Variants in EXT1 observed in about 807,000 individuals in gnomAD.
EXT1 encodes the protein exostosin glycosyltransferase 1.
A neutral mutation model predicts 82.5 loss-of-function variants in EXT1; 20 were observed. The ratio of observed to expected loss-of-function variants is 0.24; its 90% confidence interval spans 0.17 to 0.35. The LOEUF is 0.35. EXT1 is among the 10% of genes least tolerant of loss of function. The probability of loss-of-function intolerance (pLI) is 1.00; values close to 1 mark genes in which losing one functional copy is unlikely to be tolerated. For missense variants in EXT1, 757 were observed against 936.5 expected (o/e 0.81, Z 2.50); for synonymous variants, 348 against 350.8 (o/e 0.99, Z 0.09).
rs143015529 is a variant in EXT1 at position 117,910,682 on chromosome 8, T to G, written c.963-73481A>C. Among the ~76,000 whole-genome samples, 112 of 152,322 alleles carry G rather than the reference T, an allele frequency of 7.4e-4. 2 individuals are homozygous for G. The highest frequency in any genetic ancestry group is 2.4e-3 in the African/African-American group (101 of 41,570). On this transcript the variant is annotated intron_variant, in intron 1 of 10. Coordinates refer to ENST00000378204, the MANE Select transcript of EXT1 (RefSeq NM_000127.3). The stretch of plus-strand genomic sequence containing the variant: ...TGTCTCTGCTTCATATGTTATACAA[T>G]TTAAGCACCAAGTGTCATTGTCCTC...
At chr8:117,893,958 C>A (rs1284389129) in intron 1 of EXT1, among the ~76,000 whole-genome samples, 1 of 152,192 alleles carries the variant, frequency 6.6e-6, no homozygotes, top group African/African-American at 2.4e-5. Flanking sequence ...TCACCCTGGC[C>A]TGCCTTCAGC....
intron 1 of EXT1, among the ~76,000 whole-genome samples, chr8:117,928,766 T>TAA (rs368503461): frequency 3.4e-4 from 49 of 145,298 alleles, no homozygotes; most frequent in African/African-American, 6.5e-4. Flanking sequence ...CAGTCAATAT[T>TAA]AAAAAAAAAA....
chr8:117,850,119 C>T (rs1279476598), intron 1 of EXT1, among the ~76,000 whole-genome samples: 2 of 152,168 alleles, frequency 1.3e-5, no homozygotes, highest in African/African-American at 2.4e-5. Context: ...GAACTCTTGG[C>T]TACGGGGCCC....
intron 6 of EXT1, among the ~76,000 whole-genome samples, chr8:117,819,225 C>A (rs1811879918): frequency 6.6e-6 from 1 of 152,148 alleles, no homozygotes; most frequent in South Asian, 2.1e-4. Context: ...CGTCTGCTCC[C>A]AATTTTATAA....
At chr8:117,975,063 T>C (rs1815037549) in intron 1 of EXT1, among the ~76,000 whole-genome samples, 1 of 152,238 alleles carries the variant, frequency 6.6e-6, no homozygotes, top group Admixed American at 6.5e-5. Flanking sequence ...ATTCCAACGA[T>C]AAGTGCTTTT....
At chr8:117,885,418 A>G (rs1813129106) in intron 1 of EXT1, among the ~76,000 whole-genome samples, 1 of 151,392 alleles carries the variant, frequency 6.6e-6, no homozygotes, top group African/African-American at 2.4e-5. Context: ...TTCTGGCAAT[A>G]TTAACCGTAC....
chr8:118,060,141 GAGTA>G (rs1271623908), intron 1 of EXT1, among the ~76,000 whole-genome samples: 1 of 152,156 alleles, frequency 6.6e-6, no homozygotes, highest in African/African-American at 2.4e-5. Context: ...AGGTAAAAAT[GAGTA>G]AGTGACTTCT....
chr8:118,091,738 C>T (rs1173907270), intron 1 of EXT1, among the ~76,000 whole-genome samples: 1 of 152,046 alleles, frequency 6.6e-6, no homozygotes, highest in Non-Finnish European at 1.5e-5. Context: ...GAGCGAGACT[C>T]CATCTCACAA....
chr8:117,861,695 C>T (rs1812690942), intron 1 of EXT1, among the ~76,000 whole-genome samples: 1 of 143,234 alleles, frequency 7.0e-6, no homozygotes, highest in African/African-American at 2.5e-5. Context: ...GGGGTTTTAC[C>T]ATGCTGGCCA....
chr8:117,834,090 T>C (rs1197708349), intron 3 of EXT1, among the ~76,000 whole-genome samples: 1 of 152,194 alleles, frequency 6.6e-6, no homozygotes, highest in Non-Finnish European at 1.5e-5. Context: ...CAAAAACAGA[T>C]TCTGTCACAT....
intron 1 of EXT1, among the ~76,000 whole-genome samples, chr8:117,853,448 G>T (rs568037283): frequency 6.6e-6 from 1 of 152,156 alleles, no homozygotes; most frequent in Non-Finnish European, 1.5e-5. Flanking sequence ...GGAAGGCTGA[G>T]GCAGGAGAAT....
intron 1 of EXT1, among the ~76,000 whole-genome samples, chr8:117,866,893 G>A (rs1449427585): frequency 6.6e-6 from 1 of 151,400 alleles, no homozygotes; most frequent in African/African-American, 2.4e-5. Context: ...TAAAAACATT[G>A]GTGACCCTGA....
chr8:117,926,676 G>A (rs917139143), intron 1 of EXT1, among the ~76,000 whole-genome samples: 7 of 152,086 alleles, frequency 4.6e-5, no homozygotes, highest in Admixed American at 2.0e-4. Context: ...GCCACATAGC[G>A]GATGACAAAC....
Position 117,932,192 on chromosome 8 carries a change from T to TA in EXT1, c.963-94992dup, listed in dbSNP as rs1814073436. Reference sequence around the variant, plus strand: ...GGGGGGTGCTTTAACTTCTAAATGTTAGAGTGTCTATTTACATAAGCATGA... The same window carrying TA: ...GGGGGGTGCTTTAACTTCTAAATGTTAAGAGTGTCTATTTACATAAGCATGA... On this transcript the variant is annotated intron_variant, in intron 1 of 10. Transcript: ENST00000378204. Among the ~76,000 whole-genome samples, 3 of 152,322 alleles carry TA rather than the reference T, an allele frequency of 2.0e-5. No homozygotes were observed. The South Asian group carries it at 6.2e-4, about 32-fold the overall frequency.
intron 1 of EXT1, among the ~76,000 whole-genome samples, chr8:118,037,742 A>G (rs1816449204): frequency 6.6e-6 from 1 of 152,130 alleles, no homozygotes; most frequent in Non-Finnish European, 1.5e-5. Flanking sequence ...TTAACTTGCT[A>G]AATATTTTGG....
intron 1 of EXT1, among the ~76,000 whole-genome samples, chr8:117,872,067 T>C (rs1354054439): frequency 6.8e-6 from 1 of 147,656 alleles, no homozygotes; most frequent in African/African-American, 2.5e-5. Context: ...AGTAGCTCAG[T>C]AGATAGAGGC....
chr8:117,809,245 T>TATATATATATATATATATA (rs1563874289), intron 8 of EXT1, among the ~76,000 whole-genome samples: 1 of 66,050 alleles, frequency 1.5e-5, no homozygotes, highest in Admixed American at 2.1e-4. Flanking sequence ...ATATATATAT[T>TATATATATATATATATATA]ATGTTCTATT....
In EXT1 at chr8:118,029,586, G is replaced by T. The variant is rs1045444250; in HGVS notation, c.962+80499C>A. ...ACCACAAAGTAACTAACTTCTCCAAGAGTCAATTTCCCCATCTCACAGGTC... is the reference window on the plus strand; with the variant it reads ...ACCACAAAGTAACTAACTTCTCCAATAGTCAATTTCCCCATCTCACAGGTC... On this transcript the variant is annotated intron_variant, in intron 1 of 10. Coordinates refer to ENST00000378204, the MANE Select transcript of EXT1 (RefSeq NM_000127.3). 2.0e-5 allele frequency among the ~76,000 whole-genome samples: 3 copies of T among 152,240 alleles called. 1 individual carries two copies. In the South Asian group the frequency reaches 6.2e-4, roughly 32 times the overall value.
intron 1 of EXT1, among the ~76,000 whole-genome samples, chr8:117,886,625 C>T (rs1302421692): frequency 6.6e-6 from 1 of 152,168 alleles, no homozygotes; most frequent in Non-Finnish European, 1.5e-5. Context: ...AGAAAAGCTA[C>T]ACTTTAGAGA....
Sources: allele counts gnomAD v4.1 joint callset (sites outside exome capture counted in the v4.1 genomes callset), GRCh38; gene constraint gnomAD v4.1.1; transcripts MANE v1.5; gene names NCBI Gene and HGNC (gene_info 2026-07-23, HGNC 2026-07-21).